POLA1: variants seen among roughly 807,000 people sequenced by gnomAD.
The protein encoded by POLA1 is DNA polymerase alpha 1, catalytic subunit.
Under a neutral mutation model 124.0 loss-of-function variants are expected in POLA1, and 15 were observed. The observed-to-expected ratio is 0.12, with a 90% CI of 0.08 to 0.19. The LOEUF (loss-of-function observed/expected upper bound fraction) is 0.19. POLA1 is among the 10% of genes least tolerant of loss of function. The pLI, the probability that POLA1 is intolerant of heterozygous loss-of-function variation, is 1.00. For synonymous variants in POLA1, 408 were observed against 389.4 expected, an observed-to-expected ratio of 1.05 and a Z score of -0.56; for missense variants, 886 against 1,103.4, an observed-to-expected ratio of 0.80 and a Z score of 2.79.
chrX:24,842,912 A>G (rs1470811799), intron 33 of POLA1, among the ~76,000 whole-genome samples: 10 of 111,844 alleles, frequency 8.9e-5, no homozygotes, highest in Non-Finnish European at 1.5e-4. Flanking sequence ...TTTGTTTAAA[A>G]CAAAACACAA....
chrX:24,735,521 C>T (rs1368106640), intron 18 of POLA1, 33 bp downstream of exon 18: 3 of 825,101 alleles, frequency 3.6e-6, no homozygotes, highest in South Asian at 4.2e-5. Flanking sequence ...TGTGGGGAAG[C>T]TCTTCATTTC....
At chrX:24,832,979 T>C (rs766066089) in intron 32 of POLA1, among the ~76,000 whole-genome samples, 25 of 111,476 alleles carry the variant, frequency 2.2e-4, no homozygotes, top group Non-Finnish European at 3.6e-4. Flanking sequence ...ATAAGTTCTT[T>C]AGTGGTGATT....
chrX:24,994,706 C>T (rs941110122), intron 36 of POLA1, among the ~76,000 whole-genome samples: 9 of 90,908 alleles, frequency 9.9e-5, no homozygotes, highest in Admixed American at 1.5e-4. Context: ...GCTGTGTAAC[C>T]TTGGGTAAGT....
At chrX:24,800,613 C>T (rs1408613985) in intron 26 of POLA1, among the ~76,000 whole-genome samples, 1 of 111,475 alleles carries the variant, frequency 9.0e-6, no homozygotes, top group Non-Finnish European at 1.9e-5. Context: ...TCAAGTGAAA[C>T]ATATAGGACA....
intron 34 of POLA1, among the ~76,000 whole-genome samples, chrX:24,865,218 T>G (rs957424957): frequency 8.9e-6 from 1 of 112,369 alleles, no homozygotes; most frequent in Non-Finnish European, 1.9e-5. Context: ...CAGTAAATGA[T>G]TAAATTTATG....
intron 6 of POLA1, among the ~76,000 whole-genome samples, chrX:24,715,831 C>T (rs914319657): frequency 4.5e-5 from 5 of 110,823 alleles, no homozygotes; most frequent in Admixed American, 3.8e-4. Flanking sequence ...GGTGTATGTT[C>T]CCTAAATAGA....
intron 10 of POLA1, among the ~76,000 whole-genome samples, chrX:24,722,628 C>T (rs1291515260): frequency 4.4e-5 from 5 of 112,380 alleles, no homozygotes; most frequent in South Asian, 3.6e-4. Flanking sequence ...TAAATACAAG[C>T]GCTAAAAAAT....
intron 26 of POLA1, among the ~76,000 whole-genome samples, chrX:24,798,535 T>C (rs2045651957): frequency 9.0e-6 from 1 of 111,575 alleles, no homozygotes; most frequent in Non-Finnish European, 1.9e-5. Context: ...CTATAGTTTA[T>C]TTTAAGAAAC....
chrX:24,876,712 A>T (rs1415388912), intron 34 of POLA1, among the ~76,000 whole-genome samples: 5 of 109,686 alleles, frequency 4.6e-5, no homozygotes, highest in African/African-American at 1.3e-4. Flanking sequence ...TGGTATGGAG[A>T]GAGGTGGGTG....
intron 36 of POLA1, among the ~76,000 whole-genome samples, chrX:24,995,571 G>T (rs908437305): frequency 5.4e-5 from 6 of 112,093 alleles, no homozygotes; most frequent in African/African-American, 1.6e-4. Flanking sequence ...GGGTGGCCCT[G>T]TCCCCCAGTG....
At chrX:24,885,582 A>G (rs1330971112) in intron 34 of POLA1, among the ~76,000 whole-genome samples, 1 of 110,236 alleles carries the variant, frequency 9.1e-6, no homozygotes, top group Non-Finnish European at 1.9e-5. Context: ...TCACCCAGGC[A>G]GGAGTGCAGT....
In POLA1 at chrX:24,815,025, G is replaced by A. The variant is rs1338795070; in HGVS notation, c.3343G>A (p.Val1115Met). 1.6e-5 allele frequency: 19 copies of A among 1,173,743 alleles called. No homozygotes were observed. The highest frequency in any genetic ancestry group is 2.1e-5 in the Non-Finnish European group (18 of 871,467). ...ILSDQSRDTI[V>M]ENIQKRLIEI... Reference sequence around the variant, plus strand: ...TTCTGATCAAAGCCGGGACACTATAGTGGAAAACATTCAGAAGAGGCTGAT... The same window carrying A: ...TTCTGATCAAAGCCGGGACACTATAATGGAAAACATTCAGAAGAGGCTGAT... The change falls in exon 30 of 37, where the codon GTG becomes ATG. Residue 1115 changes from valine (V) to methionine (M), a missense_variant. By Grantham distance (21) the Val-to-Met change is conservative. Transcript: ENST00000379068.
chrX:24,951,993 G>C (rs142033515), intron 36 of POLA1, among the ~76,000 whole-genome samples: 24 of 111,801 alleles, frequency 2.1e-4, no homozygotes, highest in Non-Finnish European at 4.1e-4. Context: ...GTTTCCACTC[G>C]CATGCAAAAC....
chrX:24,978,633 A>G (rs961928230), intron 36 of POLA1, among the ~76,000 whole-genome samples: 8 of 112,076 alleles, frequency 7.1e-5, no homozygotes, highest in East Asian at 5.5e-4. Context: ...TCCCTAAATG[A>G]TAGATGAGGA....
At chrX:24,801,924 G>GGTGTGTGTGTGTGTGTGTGTGTGTGT (rs35938897) in intron 26 of POLA1, among the ~76,000 whole-genome samples, 20 of 74,544 alleles carry the variant, frequency 2.7e-4, no homozygotes, top group East Asian at 1.9e-3. Context: ...GAGGTGGGTG[G>GGTGTGTGTGTGTGTGTGTGTGTGTGT]GTGTGTGTGT....
chrX:24,996,116 C>G lies in POLA1; in HGVS notation c.*166C>G, dbSNP rs1388649089. The G allele has an allele frequency of 2.3e-6, 1 of 433,950 alleles. No homozygotes were observed. The highest frequency in any genetic ancestry group is 3.9e-5 in the East Asian group (1 of 25,427). 35.8% of individuals were successfully genotyped at this position (433,950 alleles called of 1,213,427 possible). ...AAAGGGGGCTGCAAAAATGTTGAGT[C>G]TAATGTTCGTAAGCATCATAGAAAT... On this transcript the variant is annotated 3_prime_UTR_variant, in exon 37 of 37. Transcript: ENST00000379068.
chrX:24,886,991 C>T (rs2047073363), intron 34 of POLA1, among the ~76,000 whole-genome samples: 1 of 111,562 alleles, frequency 9.0e-6, no homozygotes, highest in African/African-American at 3.3e-5. Context: ...CAGGTGAGAA[C>T]ACCATAAGAC....
At chrX:24,796,402 A>G (rs971874167) in intron 26 of POLA1, among the ~76,000 whole-genome samples, 5 of 111,202 alleles carry the variant, frequency 4.5e-5, no homozygotes, top group African/African-American at 6.6e-5. Context: ...CTGTCTGACT[A>G]TGGCAGCCTG....
intron 36 of POLA1, among the ~76,000 whole-genome samples, chrX:24,962,641 C>T (rs2070703508): frequency 9.0e-6 from 1 of 111,600 alleles, no homozygotes; most frequent in Non-Finnish European, 1.9e-5. Flanking sequence ...GAATAGCTTA[C>T]TTGGTAAATG....
Sources: allele counts gnomAD v4.1 joint callset (sites outside exome capture counted in the v4.1 genomes callset), GRCh38; gene constraint gnomAD v4.1.1; transcripts MANE v1.5; gene names NCBI Gene and HGNC (gene_info 2026-07-23, HGNC 2026-07-21).